The following RABEP1 variants were observed in gnomAD, a reference collection of about 807,000 sequenced individuals.
The protein encoded by RABEP1 is rab GTPase-binding effector protein 1.
A neutral mutation model predicts 123.4 loss-of-function variants in RABEP1; 51 were observed. That is an observed-to-expected ratio of 0.41 (90% CI 0.33 to 0.52). RABEP1 has a LOEUF of 0.52. RABEP1 is among the 20% of genes least tolerant of loss of function. The pLI, the probability that RABEP1 is intolerant of heterozygous loss-of-function variation, is 0.16. For synonymous variants in RABEP1, 347 were observed against 355.2 expected, an observed-to-expected ratio of 0.98 and a Z score of 0.26; for missense variants, 888 against 996.3, an observed-to-expected ratio of 0.89 and a Z score of 1.46.
chr17:5,356,160 C>T (rs1051754282), intron 8 of RABEP1, among the ~76,000 whole-genome samples: 2 of 152,102 alleles, frequency 1.3e-5, no homozygotes, highest in African/African-American at 4.8e-5. Context: ...TAATCTGAAG[C>T]CTAGCTAACA....
At chr17:5,293,241 T>G (rs1184849121) in intron 1 of RABEP1, among the ~76,000 whole-genome samples, 1 of 151,920 alleles carries the variant, frequency 6.6e-6, no homozygotes. Flanking sequence ...GAGCCGAGAT[T>G]GCACCATTGC....
chr17:5,315,581 T>C (rs933259748), intron 2 of RABEP1, among the ~76,000 whole-genome samples: 1 of 152,244 alleles, frequency 6.6e-6, no homozygotes, highest in Non-Finnish European at 1.5e-5. Context: ...CCGGGCATGG[T>C]GGCTCACGCC....
At chr17:5,359,542 T>C (rs908154400) in intron 8 of RABEP1, among the ~76,000 whole-genome samples, 1 of 152,210 alleles carries the variant, frequency 6.6e-6, no homozygotes, top group African/African-American at 2.4e-5. Context: ...TTGGGATCTT[T>C]GCCATAGTAA....
intron 2 of RABEP1, among the ~76,000 whole-genome samples, chr17:5,328,602 C>T (rs1906195238): frequency 6.9e-6 from 1 of 145,082 alleles, no homozygotes; most frequent in African/African-American, 2.6e-5. Flanking sequence ...GCTGAGGTCG[C>T]ACCACTGCAC....
chr17:5,343,646 A>G (rs1413819134), intron 5 of RABEP1, among the ~76,000 whole-genome samples: 9 of 151,320 alleles, frequency 5.9e-5, no homozygotes. Flanking sequence ...GTTGTCTTCA[A>G]AAAGATTTCT....
chr17:5,367,426 C>T (rs1284459291), intron 11 of RABEP1, among the ~76,000 whole-genome samples: 4 of 150,868 alleles, frequency 2.7e-5, no homozygotes, highest in Admixed American at 6.6e-5. Flanking sequence ...CACCCGCCAC[C>T]ACGCCCGGCT....
chr17:5,370,829 C>T (rs1459915596), intron 12 of RABEP1, among the ~76,000 whole-genome samples: 1 of 151,960 alleles, frequency 6.6e-6, no homozygotes, highest in Non-Finnish European at 1.5e-5. Context: ...AAGTAAAGGC[C>T]AACATTTCTT....
chr17:5,319,727 T>G (rs1325072901), intron 2 of RABEP1, among the ~76,000 whole-genome samples: 1 of 152,066 alleles, frequency 6.6e-6, no homozygotes, highest in Non-Finnish European at 1.5e-5. Context: ...TTAGAACTGA[T>G]AAATAGATTT....
chr17:5,343,535 G>A (rs910045219), intron 5 of RABEP1, among the ~76,000 whole-genome samples: 4 of 152,012 alleles, frequency 2.6e-5, no homozygotes, highest in Middle Eastern at 3.2e-3. Flanking sequence ...ACTCCAGCCC[G>A]GGAGACAGGT....
Position 5,282,386 on chromosome 17 carries a change from G to A in RABEP1, c.-101G>A. 3.1e-6 allele frequency: 3 copies of A among 974,102 alleles called. No individual in the cohort carries two copies. The highest frequency in any genetic ancestry group is 3.3e-5 in the East Asian group (1 of 30,722). The allele number at this position is 974,102 out of a possible 1,614,324, so 60.3% of individuals were successfully genotyped here. On this transcript the variant is annotated 5_prime_UTR_variant, in exon 1 of 18. Coordinates refer to ENST00000537505, the MANE Select transcript of RABEP1 (RefSeq NM_004703.6). The stretch of plus-strand genomic sequence containing the variant: ...TAGCGGTTTCTCTCTGGGCGGCGGC[G>A]GCGGCGGCTCGGTTGACGCCTCCTC...
intron 3 of RABEP1, among the ~76,000 whole-genome samples, chr17:5,334,780 G>A (rs1906904966): frequency 6.6e-6 from 1 of 152,040 alleles, no homozygotes; most frequent in Non-Finnish European, 1.5e-5. Context: ...ATCCCTTTTC[G>A]TATACTTTCA....
At chr17:5,361,866 A>G (rs1251673510) in intron 9 of RABEP1, 191 bp downstream of exon 9, 2 of 573,558 alleles carry the variant, frequency 3.5e-6, no homozygotes, top group East Asian at 2.9e-5. Context: ...ATTGTGACAG[A>G]GAAAGGAGCT....
chr17:5,312,215 T>C (rs2075250246), intron 2 of RABEP1, among the ~76,000 whole-genome samples: 1 of 152,230 alleles, frequency 6.6e-6, no homozygotes, highest in Admixed American at 6.5e-5. Context: ...GGCACAACAA[T>C]CTTGGCTCAC....
At chr17:5,343,692 T>TTTTTTG (rs1334897209) in intron 5 of RABEP1, among the ~76,000 whole-genome samples, 1 of 140,222 alleles carries the variant, frequency 7.1e-6, no homozygotes, top group Non-Finnish European at 1.5e-5. Flanking sequence ...TTTTTTTTTT[T>TTTTTTG]TGAGTCAGGG....
chr17:5,342,644 A>G (rs951676573), intron 5 of RABEP1, among the ~76,000 whole-genome samples: 5 of 152,204 alleles, frequency 3.3e-5, no homozygotes, highest in African/African-American at 9.7e-5. Context: ...TTGTATCCCC[A>G]AATTTTTAAA....
In RABEP1 at chr17:5,338,065, A is replaced by G; in HGVS notation, c.575A>G (p.Glu192Gly). 6.2e-7 allele frequency: 1 copy of G among 1,613,144 alleles called. No individual in the cohort carries two copies. The highest frequency in any genetic ancestry group is 8.5e-7 in the Non-Finnish European group (1 of 1,179,352). Residue 192 changes from glutamate to glycine, a missense_variant, in exon 5 of 18, where the codon GAA becomes GGA. Glu to Gly is a moderately conservative substitution (Grantham distance 98, BLOSUM62 -2). Coordinates refer to ENST00000537505, the MANE Select transcript of RABEP1 (RefSeq NM_004703.6). Reference sequence around the variant, plus strand: ...CTTCGGTCCGTTGTGATGCCAATGGAAAAGGAAATTGCAGCTTTGAAGGAT... The same window carrying G: ...CTTCGGTCCGTTGTGATGCCAATGGGAAAGGAAATTGCAGCTTTGAAGGAT... ...EKLRSVVMPMEKEIAALKDKL... is the reference protein window; with the variant it reads ...EKLRSVVMPMGKEIAALKDKL...
chr17:5,313,348 C>T (rs754416696), intron 2 of RABEP1, among the ~76,000 whole-genome samples: 1 of 152,158 alleles, frequency 6.6e-6, no homozygotes, highest in Non-Finnish European at 1.5e-5. Context: ...CCATTTTCTC[C>T]TTTACCTCTT....
At chr17:5,283,535 G>T (rs940362390) in intron 1 of RABEP1, among the ~76,000 whole-genome samples, 1 of 152,122 alleles carries the variant, frequency 6.6e-6, no homozygotes, top group African/African-American at 2.4e-5. Flanking sequence ...GTATCTAGTT[G>T]TGAAAGTACT....
intron 9 of RABEP1, 99 bp downstream of exon 9, chr17:5,361,774 G>T: frequency 9.8e-7 from 1 of 1,022,316 alleles, no homozygotes; most frequent in Non-Finnish European, 1.4e-6. Flanking sequence ...CCTGGAGTCA[G>T]TGCAGGCACA....
Sources: gnomAD v4.1 joint callset for allele counts (sites outside exome capture counted in the v4.1 genomes callset) on GRCh38, gnomAD v4.1.1 for gene constraint, MANE v1.5 for transcripts, NCBI Gene and HGNC (gene_info 2026-07-23, HGNC 2026-07-21) for gene names.